The following MRM1 variants were observed in gnomAD, a reference collection of about 807,000 sequenced individuals.
MRM1 encodes the protein rRNA methyltransferase 1, mitochondrial.
A neutral mutation model predicts 25.0 loss-of-function variants in MRM1; 24 were observed. That is an observed-to-expected ratio of 0.96 (90% CI 0.69 to 1.35). MRM1 has a LOEUF of 1.35. MRM1 is among the 40% of genes most tolerant of loss of function. The pLI is 0.00. For missense variants in MRM1, 431 were observed against 464.1 expected, an observed-to-expected ratio of 0.93 and a Z score of 0.65; for synonymous variants, 188 against 199.2, an observed-to-expected ratio of 0.94 and a Z score of 0.47.
downstream of MRM1, among the ~76,000 whole-genome samples, chr17:36,612,946 T>C (rs897056855): frequency 1.3e-5 from 2 of 152,128 alleles, no homozygotes; most frequent in Non-Finnish European, 2.9e-5. Context: ...CTCTGGCCCC[T>C]TTCATCTGCA....
At position 36,608,361 on chromosome 17, in the gene MRM1, T is replaced by C; in HGVS notation, c.1008T>C (p.Ala336=). Residue 336 remains alanine (A), a synonymous_variant, in exon 5 of 5, where the codon GCT becomes GCC. Transcript: ENST00000614766. ...CCAGGTCTGAAGGGCTCAGCATGGC[T>C]CAGCACCCAGGGCTGTCTTCAGGCC... ...PSARSEGLSM[A]QHPGLSSGPE... is the part of the protein sequence containing the mutation. The C allele has an allele frequency of 6.2e-7, 1 of 1,607,116 alleles. No individual in the cohort carries two copies. Among genetic ancestry groups the C allele is most frequent in the Non-Finnish European group, 8.5e-7 (1 of 1,176,908 alleles).
the MRM1 span, among the ~76,000 whole-genome samples, chr17:36,633,179 A>G: frequency 6.6e-6 from 1 of 152,130 alleles, no homozygotes; most frequent in Non-Finnish European, 1.5e-5. Flanking sequence ...GAATGTCCCC[A>G]GAGAAGAGCC....
the MRM1 span, among the ~76,000 whole-genome samples, chr17:36,622,758 C>T: frequency 7.2e-5 from 11 of 152,230 alleles, no homozygotes; most frequent in East Asian, 1.2e-3. Context: ...AGTGGCGGTG[C>T]CCTGCAGGGG....
At chr17:36,623,017 G>C in the MRM1 span, among the ~76,000 whole-genome samples, 61 of 152,350 alleles carry the variant, frequency 4.0e-4, no homozygotes, top group Non-Finnish European at 5.0e-4. Flanking sequence ...CCCAGGGTGG[G>C]CATCTTGATG....
chr17:36,632,430 G>GGTT, the MRM1 span, among the ~76,000 whole-genome samples: 1 of 152,190 alleles, frequency 6.6e-6, no homozygotes. Flanking sequence ...GGCCAGGCTG[G>GGTT]GTTCAAATCC....
chr17:36,633,590 G>C, the MRM1 span, among the ~76,000 whole-genome samples: 1 of 151,594 alleles, frequency 6.6e-6, no homozygotes, highest in Non-Finnish European at 1.5e-5. Context: ...GGAGGAAGAG[G>C]AAGAAGAGAA....
chr17:36,608,224 T>C lies in MRM1; in HGVS notation c.890-19T>C, dbSNP rs2074948803. 1.3e-6 allele frequency: 2 copies of C among 1,545,768 alleles called. No homozygotes were observed. Among genetic ancestry groups the C allele is most frequent in the Non-Finnish European group, 1.7e-6 (2 of 1,144,562 alleles). Reference sequence around the variant, plus strand: ...CCTTCTCCTCCGTCCTCTCTTCCCTTGTCCTTGTGTCTGTGCAGGAATTCT... The same window carrying C: ...CCTTCTCCTCCGTCCTCTCTTCCCTCGTCCTTGTGTCTGTGCAGGAATTCT... On this transcript the variant is annotated intron_variant, in intron 4 of 4. Transcript: ENST00000614766.
chr17:36,617,665 G>A, the MRM1 span, among the ~76,000 whole-genome samples: 1 of 152,014 alleles, frequency 6.6e-6, no homozygotes, highest in African/African-American at 2.4e-5. Flanking sequence ...CAAAGTGCTG[G>A]GATTACAGTC....
the MRM1 span, among the ~76,000 whole-genome samples, chr17:36,625,462 C>CTTTTTTT: frequency 0.029 from 2,974 of 101,914 alleles, 218 homozygotes; most frequent in South Asian, 0.053. Context: ...CCTCCTCCTC[C>CTTTTTTT]TTTTTTTTTT....
At chr17:36,603,030 A>G (rs12936319) in intron 2 of MRM1, 381,157 of 981,420 alleles carry the variant, frequency 0.39, 75,728 homozygotes, top group Non-Finnish European at 0.41. Context: ...TTTGAACAAG[A>G]AGATCTTTAT....
At chr17:36,604,206 A>G (rs1389917795) in intron 2 of MRM1, among the ~76,000 whole-genome samples, 1 of 151,996 alleles carries the variant, frequency 6.6e-6, no homozygotes, top group Non-Finnish European at 1.5e-5. Context: ...TTCCCCTCTC[A>G]CGCTCTTGAT....
chr17:36,602,523 C>A lies in MRM1; in HGVS notation c.543-30C>A. 1 of 1,613,918 alleles carries A rather than the reference C, an allele frequency of 6.2e-7. No homozygotes were observed. The highest frequency in any genetic ancestry group is 8.5e-7 in the Non-Finnish European group (1 of 1,179,836). On this transcript the variant is annotated intron_variant, in intron 1 of 4. Coordinates refer to ENST00000614766, the MANE Select transcript of MRM1 (RefSeq NM_024864.5). This position sits in a 1 kb window ranked among gnomAD's most constrained non-coding sequence, Gnocchi z 4.1. ...GGGAGCCGGGCTTGAGATGGCCCAG[C>A]CTAATGCGGGGAACGGGGAAACCTT...
chr17:36,601,641 G>C lies in MRM1; in HGVS notation c.-170G>C. ...GGGAGCGGGTGGTCGTAGCTCGGTA[G>C]TCCAGTTGTGGGTAATCGGGGCTGT... On this transcript the variant is annotated 5_prime_UTR_variant, in exon 1 of 5. Coordinates refer to ENST00000614766, the MANE Select transcript of MRM1 (RefSeq NM_024864.5). 1 of 688,900 alleles carries C rather than the reference G, an allele frequency of 1.5e-6. No individual in the cohort carries two copies. 42.7% of individuals were successfully genotyped at this position (688,900 alleles called of 1,614,324 possible). A position where few individuals can be genotyped will look rare whatever the true frequency, so the allele number is the denominator to read the frequency against.
In MRM1 at chr17:36,602,571, A is replaced by G; in HGVS notation, c.561A>G (p.Val187=). Residue 187 remains valine (V), a synonymous_variant, in exon 2 of 5, where the codon GTA becomes GTG. Coordinates refer to ENST00000614766, the MANE Select transcript of MRM1 (RefSeq NM_024864.5). The surrounding 1 kb of genome is among the most constrained non-coding windows in gnomAD (Gnocchi z 4.1). ...SRRNSCPLTP[V]VSKSSAGAME... ...CTTGCAGCTGCCCGCTCACTCCAGTAGTCAGCAAGTCCAGCGCGGGGGCTA... is the reference window on the plus strand; with the variant it reads ...CTTGCAGCTGCCCGCTCACTCCAGTGGTCAGCAAGTCCAGCGCGGGGGCTA... The G allele has an allele frequency of 6.2e-7, 1 of 1,614,192 alleles. No individual in the cohort carries two copies. The highest frequency in any genetic ancestry group is 8.5e-7 in the Non-Finnish European group (1 of 1,180,032).
chr17:36,619,633 A>G, the MRM1 span, among the ~76,000 whole-genome samples: 6 of 151,532 alleles, frequency 4.0e-5, no homozygotes, highest in African/African-American at 1.5e-4. Flanking sequence ...GCACCACTGC[A>G]CTCTAGCCTG....
the MRM1 span, among the ~76,000 whole-genome samples, chr17:36,628,968 G>T: frequency 6.6e-6 from 1 of 152,218 alleles, no homozygotes; most frequent in African/African-American, 2.4e-5. Context: ...GAGAGAGAGA[G>T]AGACCCATGA....
rs2074953513 is a variant in MRM1, at chr17:36,608,646, A to T, written c.*231A>T. On this transcript the variant is annotated 3_prime_UTR_variant, in exon 5 of 5. Transcript: ENST00000614766. Reference sequence around the variant, plus strand: ...GATTTGTTAATTTCCATGGGAAGCCATGATGGCCTAGCATGGAGGGAATCT... The same window carrying T: ...GATTTGTTAATTTCCATGGGAAGCCTTGATGGCCTAGCATGGAGGGAATCT... 3 of 405,408 alleles carry T rather than the reference A, an allele frequency of 7.4e-6. No homozygotes were observed. Among genetic ancestry groups the T allele is most frequent in the Non-Finnish European group, 1.3e-5 (3 of 230,606 alleles). 25.1% of individuals were successfully genotyped at this position (405,408 alleles called of 1,614,324 possible).
rs2074942150 is a variant in MRM1, at chr17:36,607,675, A to G, written c.642A>G (p.Lys214=). Residue 214 remains lysine (K), a synonymous_variant, in exon 3 of 5, where the codon AAA becomes AAG. Coordinates refer to ENST00000614766, the MANE Select transcript of MRM1 (RefSeq NM_024864.5). ...TDDLTGFLQT[K]AQQGWLVAGT... is the part of the protein sequence containing the mutation. ...TATCTTCTTCCCCCTTTCAGACCAA[A>G]GCCCAGCAGGGCTGGCTCGTGGCCG... is the stretch of plus-strand genomic sequence containing the variant. 1.2e-6 allele frequency: 2 copies of G among 1,611,808 alleles called. No homozygotes were observed. Among genetic ancestry groups the G allele is most frequent in the South Asian group, 2.2e-5 (2 of 90,840 alleles).
chr17:36,603,159 C>T, intron 2 of MRM1: 1 of 985,160 alleles, frequency 1.0e-6, no homozygotes, highest in Non-Finnish European at 1.2e-6. Flanking sequence ...GGAATCCCCT[C>T]TGACCATACC....
Sources: gnomAD v4.1 joint callset for allele counts (sites outside exome capture counted in the v4.1 genomes callset) on GRCh38, gnomAD v4.1.1 for gene constraint, Gnocchi (gnomAD v3.1) non-coding constraint, MANE v1.5 for transcripts, NCBI Gene and HGNC (gene_info 2026-07-23, HGNC 2026-07-21) for gene names.